Variants in HERC1 observed in about 807,000 individuals in gnomAD.
HERC1 encodes HECT and RLD domain containing E3 ubiquitin protein ligase family member 1.
In HERC1, 160 loss-of-function variants were observed where a neutral mutation model predicts 554.3. That is an observed-to-expected ratio of 0.29 (90% confidence interval 0.25 to 0.33). HERC1 has a LOEUF of 0.33. Ranked by LOEUF, HERC1 falls within the 10% of genes least tolerant of loss-of-function variation. HERC1 has a pLI of 1.00. For synonymous variants in HERC1, 2,175 were observed against 2,131.7 expected, an observed-to-expected ratio of 1.02 and a Z score of -0.56; for missense variants, 4,919 against 5,918.5, an observed-to-expected ratio of 0.83 and a Z score of 5.54.
At chr15:63,810,319 C>T (rs9921018) in intron 1 of HERC1, among the ~76,000 whole-genome samples, 1,759 of 152,066 alleles carry the variant, frequency 0.012, 30 homozygotes, top group African/African-American at 0.041. Flanking sequence ...TATACACATA[C>T]ACTGAAATAG....
chr15:63,765,103 GA>G (rs2075732893), intron 2 of HERC1, among the ~76,000 whole-genome samples: 1 of 152,170 alleles, frequency 6.6e-6, no homozygotes, highest in Non-Finnish European at 1.5e-5. Flanking sequence ...AGCTACAGAT[GA>G]AAGGGTGAAT....
At chr15:63,817,988 T>C (rs2077553316) in intron 1 of HERC1, among the ~76,000 whole-genome samples, 2 of 152,256 alleles carry the variant, frequency 1.3e-5, no homozygotes, top group Middle Eastern at 3.4e-3. Context: ...CAAGTGAGTA[T>C]TAATTTACTA....
At chr15:63,797,146 C>A (rs1339241228) in intron 1 of HERC1, among the ~76,000 whole-genome samples, 3 of 152,162 alleles carry the variant, frequency 2.0e-5, no homozygotes, top group Non-Finnish European at 2.9e-5. Context: ...ATGATAATAA[C>A]CTTTCCCAAA....
intron 3 of HERC1, 65 bp downstream of exon 3, chr15:63,764,031 G>A (rs2075694167): frequency 1.0e-5 from 10 of 960,276 alleles, no homozygotes; most frequent in Non-Finnish European, 1.5e-5. Flanking sequence ...ATTTTTAAGG[G>A]ATAAATACAT....
At chr15:63,631,246 T>C (rs1566955067) in intron 68 of HERC1, among the ~76,000 whole-genome samples, 1 of 152,228 alleles carries the variant, frequency 6.6e-6, no homozygotes, top group Non-Finnish European at 1.5e-5. Flanking sequence ...TTCTAGAGGG[T>C]GCCAGCCAGC....
chr15:63,680,445 A>G lies in HERC1; in HGVS notation c.6465+92T>C. Reference sequence around the variant, plus strand: ...AGAGAGAAAGGAGAGACGAGCAGATAATCTATAAACTGAATACGTGGCACT... The same window carrying G: ...AGAGAGAAAGGAGAGACGAGCAGATGATCTATAAACTGAATACGTGGCACT... On this transcript the variant is annotated intron_variant, in intron 35 of 77. Coordinates refer to ENST00000443617, the MANE Select transcript of HERC1 (RefSeq NM_003922.4). The surrounding 1 kb of genome is among the most constrained non-coding windows in gnomAD (Gnocchi z 5.8). 1 of 1,302,492 alleles carries G rather than the reference A, an allele frequency of 7.7e-7. No individual in the cohort carries two copies. Among genetic ancestry groups the G allele is most frequent in the African/African-American group, 1.5e-5 (1 of 67,508 alleles). 80.7% of individuals were successfully genotyped at this position (1,302,492 alleles called of 1,614,324 possible).
In HERC1 at chr15:63,727,047, G is replaced by A. The variant is rs2140834944; in HGVS notation, c.3346+600C>T. On this transcript the variant is annotated intron_variant, in intron 17 of 77. Transcript: ENST00000443617. This position sits in a 1 kb window ranked among gnomAD's most constrained non-coding sequence, Gnocchi z 4.3. ...AATCCCAGCATTTTGGGAGGCTGAG[G>A]TGGGCGGATCACAAGGTCAGGAGTT... is the stretch of plus-strand genomic sequence containing the variant. 6.6e-6 allele frequency among the ~76,000 whole-genome samples: 1 copy of A among 152,104 alleles called. No individual in the cohort carries two copies. The highest frequency in any genetic ancestry group is 2.4e-5 in the African/African-American group (1 of 41,412).
chr15:63,672,229 A>G (rs897243963), intron 39 of HERC1, among the ~76,000 whole-genome samples: 3 of 152,218 alleles, frequency 2.0e-5, no homozygotes, highest in Non-Finnish European at 2.9e-5. Flanking sequence ...TCATCATAAG[A>G]GAGAGAATGT....
chr15:63,766,261 TA>T (rs1157058021), intron 2 of HERC1, among the ~76,000 whole-genome samples: 2 of 151,092 alleles, frequency 1.3e-5, no homozygotes, highest in African/African-American at 4.8e-5. Context: ...TATGTTATAT[TA>T]TATATTAGTA....
At chr15:63,746,401 CA>C (rs2075056585) in intron 12 of HERC1, among the ~76,000 whole-genome samples, 1 of 152,054 alleles carries the variant, frequency 6.6e-6, no homozygotes, top group South Asian at 2.1e-4. Flanking sequence ...AAGTTTCCCC[CA>C]AATTTAACAT....
intron 58 of HERC1, 121 bp downstream of exon 58, chr15:63,643,283 T>C: frequency 1.1e-6 from 1 of 932,506 alleles, no homozygotes; most frequent in East Asian, 2.6e-5. Context: ...CTGAAAGAAG[T>C]TTCCTCAGTA....
Position 63,649,707 on chromosome 15 carries a change from G to C in HERC1, c.10747+18C>G, listed in dbSNP as rs747195510. The C allele has an allele frequency of 1.1e-5, 17 of 1,605,156 alleles. No homozygotes were observed. Among genetic ancestry groups the C allele is most frequent in the East Asian group, 4.5e-5 (2 of 44,742 alleles). ...AAGTTGGAGACTCCGTCAGCTAGACGTAAGTGCAGTCATTTACCATCCTTT... is the reference window on the plus strand; with the variant it reads ...AAGTTGGAGACTCCGTCAGCTAGACCTAAGTGCAGTCATTTACCATCCTTT... On this transcript the variant is annotated intron_variant, in intron 54 of 77. Coordinates refer to ENST00000443617, the MANE Select transcript of HERC1 (RefSeq NM_003922.4).
chr15:63,674,467 G>A lies in HERC1; in HGVS notation c.7721C>T (p.Ala2574Val), dbSNP rs1386228809. ...QFLMRHMVKRAVMRSPIKRAL... is the reference protein window; with the variant it reads ...QFLMRHMVKRVVMRSPIKRAL... ...TCTCTTTATGGGTGACCGCATGACT[G>A]CTCGCTTCACCATGTGTCGCATCAA... Residue 2574 changes from alanine (A) to valine (V), a missense_variant, in exon 38 of 78, where the codon GCA becomes GTA. Physicochemically the swap from Ala to Val is moderately conservative, Grantham distance 64 (BLOSUM62 0). Coordinates refer to ENST00000443617, the MANE Select transcript of HERC1 (RefSeq NM_003922.4). 6.2e-7 allele frequency: 1 copy of A among 1,613,772 alleles called. No homozygotes were observed. Among genetic ancestry groups the A allele is most frequent in the East Asian group, 2.2e-5 (1 of 44,874 alleles).
At chr15:63,825,042 T>C (rs1362053699) in intron 1 of HERC1, among the ~76,000 whole-genome samples, 1 of 152,096 alleles carries the variant, frequency 6.6e-6, no homozygotes, top group Non-Finnish European at 1.5e-5. Context: ...CGGTGGCTAA[T>C]GCCTGTAATC....
chr15:63,829,986 T>A (rs1261152391), intron 1 of HERC1, among the ~76,000 whole-genome samples: 2 of 152,090 alleles, frequency 1.3e-5, no homozygotes, highest in East Asian at 3.8e-4. Flanking sequence ...GGGACATCTC[T>A]CCCTTAAAGA....
chr15:63,807,714 A>G (rs779634491), intron 1 of HERC1, among the ~76,000 whole-genome samples: 13 of 151,948 alleles, frequency 8.6e-5, no homozygotes, highest in Non-Finnish European at 1.6e-4. Flanking sequence ...ACACTCCCCA[A>G]CTGTCTCTGC....
intron 22 of HERC1, among the ~76,000 whole-genome samples, chr15:63,715,988 C>A (rs949027539): frequency 6.6e-6 from 1 of 152,118 alleles, no homozygotes; most frequent in African/African-American, 2.4e-5. Flanking sequence ...CAACTTGTTG[C>A]CCCAGAGGAC....
chr15:63,733,367 C>A (rs2074373804), intron 13 of HERC1, among the ~76,000 whole-genome samples: 1 of 151,998 alleles, frequency 6.6e-6, no homozygotes, highest in African/African-American at 2.4e-5. Flanking sequence ...CATTATAATG[C>A]CTAAATCTCT....
Position 63,727,754 on chromosome 15 carries a change from G to C in HERC1, c.3239C>G (p.Pro1080Arg), listed in dbSNP as rs2074098055. 6.2e-7 allele frequency: 1 copy of C among 1,613,932 alleles called. No individual in the cohort carries two copies. Among genetic ancestry groups the C allele is most frequent in the Non-Finnish European group, 8.5e-7 (1 of 1,179,860 alleles). Residue 1080 changes from proline to arginine, a missense_variant, in exon 17 of 78, where the codon CCT becomes CGT. Pro to Arg is a moderately radical substitution (Grantham distance 103). This residue lies in a region of HERC1 where 1,121 missense variants were observed against 1,244.0 expected (regional missense o/e 0.90). Transcript: ENST00000443617. This position sits in a 1 kb window ranked among gnomAD's most constrained non-coding sequence, Gnocchi z 4.3. Reference sequence around the variant, plus strand: ...CAAGTCGAGGAGGTAACTCAATAAAGGCCGAGCCACTGACACAGGGAGTAA... The same window carrying C: ...CAAGTCGAGGAGGTAACTCAATAAACGCCGAGCCACTGACACAGGGAGTAA... The part of the protein sequence containing the change: ...LLLLPVSVAR[P>R]LLSYLLDLLP...
Sources: gnomAD v4.1 joint callset for allele counts (sites outside exome capture counted in the v4.1 genomes callset) on GRCh38, gnomAD v4.1.1 for gene constraint, gnomAD v4.1.1 regional missense constraint, Gnocchi (gnomAD v3.1) non-coding constraint, MANE v1.5 for transcripts, NCBI Gene and HGNC (gene_info 2026-07-23, HGNC 2026-07-21) for gene names.